DAB1: variants seen among roughly 807,000 people sequenced by gnomAD.
The protein encoded by DAB1 is DAB adaptor protein 1.
DAB1 carries 15 observed loss-of-function variants against 64.6 expected under a neutral mutation model. That is an observed-to-expected ratio of 0.23 (90% CI 0.16 to 0.36). The LOEUF (loss-of-function observed/expected upper bound fraction) is 0.36. Among genes scored for constraint, DAB1 ranks in the 10% least tolerant of loss-of-function variants. DAB1 has a pLI of 1.00. For missense variants in DAB1, 596 were observed against 706.7 expected, an observed-to-expected ratio of 0.84 and a Z score of 1.78; for synonymous variants, 235 against 251.9, an observed-to-expected ratio of 0.93 and a Z score of 0.64.
chr1:57,974,868 C>T (rs1334195169), intron 5 of DAB1, among the ~76,000 whole-genome samples: 1 of 151,924 alleles, frequency 6.6e-6, no homozygotes, highest in Non-Finnish European at 1.5e-5. Flanking sequence ...ATAGTAATTC[C>T]TATTATAGCA....
chr1:57,894,429 A>T (rs1418097215), intron 5 of DAB1, among the ~76,000 whole-genome samples: 1 of 152,142 alleles, frequency 6.6e-6, no homozygotes, highest in African/African-American at 2.4e-5. Flanking sequence ...TAAGGAAGTG[A>T]CATCTTAAAT....
chr1:57,643,766 G>C (rs763414238), intron 7 of DAB1, among the ~76,000 whole-genome samples: 4 of 152,166 alleles, frequency 2.6e-5, no homozygotes, highest in Non-Finnish European at 5.9e-5. Context: ...CTCAACACTT[G>C]GTCACAATTG....
chr1:57,022,192 G>T (rs1646644482), intron 11 of DAB1, among the ~76,000 whole-genome samples: 1 of 152,096 alleles, frequency 6.6e-6, no homozygotes, highest in South Asian at 2.1e-4. Context: ...TAAGTTTGGG[G>T]CCATCATCTG....
intron 1 of DAB1, among the ~76,000 whole-genome samples, chr1:57,399,822 C>A (rs1186724018): frequency 6.6e-6 from 1 of 152,164 alleles, no homozygotes; most frequent in Non-Finnish European, 1.5e-5. Context: ...TCAGCTCCAG[C>A]CATAAATAGT....
chr1:57,675,913 A>G (rs1369767568), intron 6 of DAB1, among the ~76,000 whole-genome samples: 1 of 152,240 alleles, frequency 6.6e-6, no homozygotes, highest in Non-Finnish European at 1.5e-5. Context: ...AATAGAAACA[A>G]ATTTGGGGCT....
chr1:57,363,572 T>G (rs115844296), intron 1 of DAB1, among the ~76,000 whole-genome samples: 2,129 of 152,290 alleles, frequency 0.014, 35 homozygotes, highest in African/African-American at 0.041. Flanking sequence ...GAAAACTAAA[T>G]GAGATGATAT....
chr1:57,462,204 C>T (rs1686807922), intron 7 of DAB1, among the ~76,000 whole-genome samples: 1 of 152,092 alleles, frequency 6.6e-6, no homozygotes, highest in Non-Finnish European at 1.5e-5. Flanking sequence ...CCACCTCGGC[C>T]TCCCAAAGTG....
chr1:57,473,453 A>C (rs1205424585), intron 7 of DAB1, among the ~76,000 whole-genome samples: 1 of 152,170 alleles, frequency 6.6e-6, no homozygotes, highest in African/African-American at 2.4e-5. Context: ...CCTCATCCTT[A>C]CTAAGACCTT....
At chr1:57,714,900 G>GAACA (rs1647067292) in intron 6 of DAB1, among the ~76,000 whole-genome samples, 2 of 152,052 alleles carry the variant, frequency 1.3e-5, no homozygotes, top group Admixed American at 1.3e-4. Context: ...AAAGAAAAGG[G>GAACA]AACAGTTAAA....
chr1:57,930,621 T>A (rs1644940787), intron 5 of DAB1, among the ~76,000 whole-genome samples: 1 of 152,196 alleles, frequency 6.6e-6, no homozygotes, highest in African/African-American at 2.4e-5. Flanking sequence ...TAAGTATTTT[T>A]TAGGTGTGCT....
At chr1:58,251,841 G>A (rs950776706) in intron 4 of DAB1, among the ~76,000 whole-genome samples, 3 of 152,176 alleles carry the variant, frequency 2.0e-5, no homozygotes, top group Admixed American at 2.0e-4. Context: ...AGAATGTACT[G>A]AAGGGGGCGT....
intron 9 of DAB1, among the ~76,000 whole-genome samples, chr1:57,029,027 G>A (rs1417281679): frequency 1.3e-5 from 2 of 152,164 alleles, no homozygotes; most frequent in Non-Finnish European, 2.9e-5. Flanking sequence ...ATGTCTCCAG[G>A]CCATGTCAGA....
intron 5 of DAB1, among the ~76,000 whole-genome samples, chr1:58,005,285 A>G (rs1214353974): frequency 6.6e-6 from 1 of 152,130 alleles, no homozygotes; most frequent in African/African-American, 2.4e-5. Context: ...GCTGGGGGAA[A>G]GAGGAGGCAC....
intron 2 of DAB1, among the ~76,000 whole-genome samples, chr1:57,274,367 C>A (rs1409033438): frequency 1.3e-5 from 2 of 152,148 alleles, no homozygotes; most frequent in Non-Finnish European, 2.9e-5. Context: ...CAGCTGTGGG[C>A]CCTGAGCAAG....
intron 3 of DAB1, among the ~76,000 whole-genome samples, chr1:58,479,161 G>T (rs12088149): frequency 0.31 from 47,738 of 151,966 alleles, 7,973 homozygotes; most frequent in African/African-American, 0.43. Context: ...AAAGTAGGCC[G>T]TTGCTACATT....
chr1:58,043,207 C>A (rs545560441), intron 5 of DAB1, among the ~76,000 whole-genome samples: 19 of 152,270 alleles, frequency 1.2e-4, no homozygotes, highest in Non-Finnish European at 2.4e-4. Flanking sequence ...CCCTTTTGAG[C>A]CGATCTTGTT....
At chr1:57,043,028 A>G (rs891657621) in intron 9 of DAB1, among the ~76,000 whole-genome samples, 1 of 152,208 alleles carries the variant, frequency 6.6e-6, no homozygotes, top group African/African-American at 2.4e-5. Flanking sequence ...AGAAAAAGTT[A>G]TAAGAACAGG....
At chr1:57,563,598 G>A (rs1460487474) in intron 7 of DAB1, among the ~76,000 whole-genome samples, 1 of 152,174 alleles carries the variant, frequency 6.6e-6, no homozygotes, top group Non-Finnish European at 1.5e-5. Context: ...CCCTAATACT[G>A]TGCTTTTCCA....
chr1:58,423,401 C>G (rs1310887599), intron 3 of DAB1, among the ~76,000 whole-genome samples: 1 of 152,196 alleles, frequency 6.6e-6, no homozygotes. Context: ...GCAATCCTGT[C>G]TGTGCTCCAA....
Sources: gnomAD v4.1 joint callset for allele counts (sites outside exome capture counted in the v4.1 genomes callset) on GRCh38, gnomAD v4.1.1 for gene constraint, MANE v1.5 for transcripts, NCBI Gene and HGNC (gene_info 2026-07-23, HGNC 2026-07-21) for gene names.